The following COL3A1 variants were observed in gnomAD, a reference collection of about 807,000 sequenced individuals.
COL3A1 encodes the protein collagen alpha-1(III) chain.
COL3A1 carries 46 observed loss-of-function variants against 200.9 expected under a neutral mutation model. That is an observed-to-expected ratio of 0.23 (90% confidence interval 0.18 to 0.29). COL3A1 has a LOEUF of 0.29. Among genes scored for constraint, COL3A1 ranks in the 10% least tolerant of loss-of-function variants. The pLI, the probability that COL3A1 is intolerant of heterozygous loss-of-function variation, is 1.00. For missense variants in COL3A1, 1,367 were observed against 1,917.6 expected (o/e 0.71, Z 5.36); for synonymous variants, 650 against 628.0 (o/e 1.03, Z -0.52).
Position 188,994,418 on chromosome 2 carries a change from T to C in COL3A1, c.1293+86T>C. On this transcript the variant is annotated intron_variant, in intron 18 of 50. Transcript: ENST00000304636. The surrounding 1 kb of genome is among the most constrained non-coding windows in gnomAD (Gnocchi z 4.5). Reference sequence around the variant, plus strand: ...AATTAATAGCAAAATTTTGCTCCTGTTCAGTTGAATTTATATTGACTTCAC... The same window carrying C: ...AATTAATAGCAAAATTTTGCTCCTGCTCAGTTGAATTTATATTGACTTCAC... 6.3e-7 allele frequency: 1 copy of C among 1,576,974 alleles called. No homozygotes were observed. The highest frequency in any genetic ancestry group is 2.2e-5 in the East Asian group (1 of 44,608).
In COL3A1 at chr2:189,011,887, C is replaced by A; in HGVS notation, c.*113C>A. On this transcript the variant is annotated 3_prime_UTR_variant, in exon 51 of 51. Coordinates refer to ENST00000304636, the MANE Select transcript of COL3A1 (RefSeq NM_000090.4). Reference sequence around the variant, plus strand: ...CGACAAAATTCCAGTTATTTATTTCCAAAATGTTTGGAAACAGTATAATTT... The same window carrying A: ...CGACAAAATTCCAGTTATTTATTTCAAAAATGTTTGGAAACAGTATAATTT... 8.2e-7 allele frequency: 1 copy of A among 1,223,492 alleles called. No homozygotes were observed. The highest frequency in any genetic ancestry group is 1.2e-6 in the Non-Finnish European group (1 of 844,944). 75.8% of individuals were successfully genotyped at this position (1,223,492 alleles called of 1,614,324 possible).
chr2:188,981,443 T>A (rs1287182870), intron 1 of COL3A1, among the ~76,000 whole-genome samples: 1 of 151,510 alleles, frequency 6.6e-6, no homozygotes, highest in African/African-American at 2.4e-5. Flanking sequence ...AAATTAATTA[T>A]AAATTGGAAC....
In COL3A1 at chr2:189,006,971, C is replaced by T; in HGVS notation, c.3236C>T (p.Ala1079Val). The T allele has an allele frequency of 6.2e-7, 1 of 1,612,988 alleles. No individual in the cohort carries two copies. Among genetic ancestry groups the T allele is most frequent in the South Asian group, 1.1e-5 (1 of 91,034 alleles). The change falls in exon 44 of 51, where the codon GCT becomes GTT. Residue 1079 changes from alanine to valine, a missense_variant. Physicochemically the swap from Ala to Val is moderately conservative, Grantham distance 64. Around this residue, in one of 5 missense-constraint regions of COL3A1, gnomAD observed 846 missense variants for 1,147.9 expected, o/e 0.74. Transcript: ENST00000304636. ...GGCCCTGCTGGTGCTCCCGGTCCTG[C>T]TGGTTCCCGAGGTGCTCCTGTAAGT... ...PAGPAGAPGPAGSRGAPGPQG... is the reference protein window; with the variant it reads ...PAGPAGAPGPVGSRGAPGPQG...
chr2:189,001,811 A>G lies in COL3A1; in HGVS notation c.2391+222A>G, dbSNP rs1222895710. ...TTTTAAATCAGGATTTCTTTCCTAA[A>G]TAACTTTGGAAAAAATACATGAATT... is the stretch of plus-strand genomic sequence containing the variant. On this transcript the variant is annotated intron_variant, in intron 34 of 50. Coordinates refer to ENST00000304636, the MANE Select transcript of COL3A1 (RefSeq NM_000090.4). 2.6e-5 allele frequency among the ~76,000 whole-genome samples: 4 copies of G among 152,172 alleles called. No homozygotes were observed. The South Asian group carries it at 8.3e-4, about 32-fold the overall frequency.
chr2:189,008,536 A>G, intron 47 of COL3A1: 1 of 393,308 alleles, frequency 2.5e-6, no homozygotes, highest in Middle Eastern at 7.7e-4. Flanking sequence ...ATCATTCCTA[A>G]TACTTTCTAT....
chr2:188,994,455 A>G lies in COL3A1; in HGVS notation c.1294-86A>G. 6.4e-7 allele frequency: 1 copy of G among 1,572,862 alleles called. No individual in the cohort carries two copies. Among genetic ancestry groups the G allele is most frequent in the South Asian group, 1.1e-5 (1 of 89,980 alleles). On this transcript the variant is annotated intron_variant, in intron 18 of 50. Transcript: ENST00000304636. The surrounding 1 kb of genome is among the most constrained non-coding windows in gnomAD (Gnocchi z 4.5). ...TATATTGACTTCACTCTTGTCTTAT[A>G]ACTTATAACTGAATTATGTGTTACT...
chr2:188,998,379 T>C, intron 28 of COL3A1, 60 bp downstream of exon 28: 1 of 1,423,114 alleles, frequency 7.0e-7, no homozygotes, highest in Non-Finnish European at 9.9e-7. Flanking sequence ...TGTTTGTTTG[T>C]CAACTATTAA....
At chr2:188,988,677 G>A (rs560984169) in intron 7 of COL3A1, 34 bp downstream of exon 7, 20 of 1,470,164 alleles carry the variant, frequency 1.4e-5, no homozygotes, top group African/African-American at 6.9e-5. Context: ...TTAGTAAGTC[G>A]ATAATTCCAT....
intron 24 of COL3A1, 64 bp downstream of exon 24, chr2:188,996,560 A>G (rs936586088): frequency 7.3e-7 from 1 of 1,373,352 alleles, no homozygotes; most frequent in Non-Finnish European, 1.0e-6. Context: ...TTCCATATGG[A>G]GTAAAGAAAT....
At position 189,004,281 on chromosome 2, in the gene COL3A1, G is replaced by C; in HGVS notation, c.2848G>C (p.Ala950Pro). The C allele has an allele frequency of 6.2e-7, 1 of 1,607,052 alleles. No homozygotes were observed. Among genetic ancestry groups the C allele is most frequent in the Non-Finnish European group, 8.5e-7 (1 of 1,177,028 alleles). The change falls in exon 40 of 51, where the codon GCT becomes CCT. Residue 950 changes from alanine to proline, a missense_variant. Ala to Pro is a conservative substitution (Grantham distance 27, BLOSUM62 -1). Transcript: ENST00000304636. ...GGGAGCTCCAGGCCCACTTGGGATT[G>C]CTGGGATCACTGGAGCACGGGGTCT... ...PPGAPGPLGIAGITGARGLAG... is the reference protein window; with the variant it reads ...PPGAPGPLGIPGITGARGLAG...
In COL3A1 at chr2:189,010,373, AG is replaced by A. The variant is rs945978481; in HGVS notation, c.4011+10del. Reference sequence around the variant, plus strand: ...ATGGATGGTGGTTTTCAGGTAGGAAAGGATATACCTTTTTTTAAATAAGTCA... The same window carrying A: ...ATGGATGGTGGTTTTCAGGTAGGAAAGATATACCTTTTTTTAAATAAGTCA... On this transcript the variant is annotated intron_variant, in intron 49 of 50. Transcript: ENST00000304636. 1.2e-6 allele frequency: 2 copies of A among 1,614,008 alleles called. No individual in the cohort carries two copies. The highest frequency in any genetic ancestry group is 1.3e-5 in the African/African-American group (1 of 75,056).
intron 49 of COL3A1, 91 bp downstream of exon 49, chr2:189,010,456 T>C (rs1023959888): frequency 1.3e-6 from 2 of 1,537,900 alleles, no homozygotes; most frequent in Non-Finnish European, 1.8e-6. Flanking sequence ...GTTACTAGGT[T>C]GGTACAAACA....
At chr2:188,975,770 C>T (rs911141775) in intron 1 of COL3A1, among the ~76,000 whole-genome samples, 2 of 151,942 alleles carry the variant, frequency 1.3e-5, no homozygotes, top group African/African-American at 2.4e-5. Flanking sequence ...ACCCATTTTC[C>T]TTGTTCCCTT....
intron 3 of COL3A1, 31 bp downstream of exon 3, chr2:188,985,278 T>G (rs754291325): frequency 1.3e-6 from 2 of 1,537,706 alleles, no homozygotes; most frequent in Admixed American, 3.4e-5. Flanking sequence ...AGAATAAAAT[T>G]AATACTAATG....
rs66853741 is a variant in COL3A1 at position 188,997,014 on chromosome 2, TATATATATATGAGAC to T, written c.1762-74_1762-60del. On this transcript the variant is annotated intron_variant, in intron 24 of 50. Coordinates refer to ENST00000304636, the MANE Select transcript of COL3A1 (RefSeq NM_000090.4). Reference sequence around the variant, plus strand: ...AAAAATATGTATGTGTGTGTGTGTATATATATATATGAGACATATATATATGAGACATATATATAT... The same window carrying T: ...AAAAATATGTATGTGTGTGTGTGTATATATATATATGAGACATATATATAT... 77,191 of 577,014 alleles carry T rather than the reference TATATATATATGAGAC, an allele frequency of 0.13. 6,354 individuals are homozygous for T. The highest frequency in any genetic ancestry group is 0.4 in the East Asian group (8,682 of 21,688). The allele number at this position is 577,014 out of a possible 1,614,324, so 35.7% of individuals were successfully genotyped here.
chr2:188,999,765 C>T (rs541845012), intron 31 of COL3A1, 77 bp from the exon 32 acceptor site: 1 of 1,490,602 alleles, frequency 6.7e-7, no homozygotes, highest in African/African-American at 1.4e-5. Context: ...CCTACAAATC[C>T]TGAGAGTTAC....
In COL3A1 at chr2:188,994,583, C is replaced by T. The variant is rs1238066761; in HGVS notation, c.1336C>T (p.Arg446Cys). Residue 446 changes from arginine (R) to cysteine (C), a missense_variant, in exon 19 of 51, where the codon CGT becomes TGT. By Grantham distance (180) the Arg-to-Cys change is radical. Transcript: ENST00000304636. This position sits in a 1 kb window ranked among gnomAD's most constrained non-coding sequence, Gnocchi z 4.5. Reference protein sequence around the residue: ...KNGAKGEPGPRGERGEAGIPG... With the variant: ...KNGAKGEPGPCGERGEAGIPG... ...TGGTGCCAAAGGAGAGCCCGGACCA[C>T]GTGGTGAACGCGTAAGTTTTACTGC... The T allele has an allele frequency of 2.5e-6, 4 of 1,614,070 alleles. No individual in the cohort carries two copies. The highest frequency in any genetic ancestry group is 1.1e-5 in the South Asian group (1 of 91,080).
intron 38 of COL3A1, 28 bp from the exon 39 acceptor site, chr2:189,003,954 T>C: frequency 6.3e-7 from 1 of 1,580,632 alleles, no homozygotes; most frequent in South Asian, 1.2e-5. Context: ...TTATTATAAA[T>C]ATTCAAATTT....
intron 40 of COL3A1, among the ~76,000 whole-genome samples, chr2:189,004,864 G>A (rs983618389): frequency 8.6e-5 from 13 of 151,962 alleles, no homozygotes; most frequent in African/African-American, 1.9e-4. Flanking sequence ...ATTAGGGCTC[G>A]TATTATGGCA....
Sources: allele counts gnomAD v4.1 joint callset (sites outside exome capture counted in the v4.1 genomes callset), GRCh38; gene constraint gnomAD v4.1.1; regional missense constraint gnomAD v4.1.1; non-coding constraint Gnocchi (gnomAD v3.1); transcripts MANE v1.5; gene names NCBI Gene and HGNC (gene_info 2026-07-23, HGNC 2026-07-21).